Variants in CDKL5 observed in about 807,000 individuals in gnomAD.
The protein encoded by CDKL5 is cyclin-dependent kinase-like 5.
CDKL5 carries 8 observed loss-of-function variants against 61.7 expected under a neutral mutation model. That is an observed-to-expected ratio of 0.13 (90% CI 0.08 to 0.23). The LOEUF is 0.23. CDKL5 is among the 10% of genes least tolerant of loss of function. The pLI is 1.00. For synonymous variants in CDKL5, 275 were observed against 272.3 expected, an observed-to-expected ratio of 1.01 and a Z score of -0.10; for missense variants, 440 against 734.5, an observed-to-expected ratio of 0.60 and a Z score of 4.63.
In CDKL5 at chrX:18,517,839, C is replaced by G. The variant is rs753454324; in HGVS notation, c.99+6985C>G. Among the ~76,000 whole-genome samples the G allele has an allele frequency of 8.2e-4, 92 of 111,555 alleles. 1 individual carries two copies. Among genetic ancestry groups the G allele is most frequent in the Non-Finnish European group, 1.5e-3 (81 of 53,132 alleles). On this transcript the variant is annotated intron_variant, in intron 3 of 17. Transcript: ENST00000623535. ...TGGCCAACATGGTGAAACCCCATCT[C>G]TACTAAAAATACAAAAAAATTTGCT...
Position 18,632,443 on chromosome X carries a change from C to T in CDKL5, c.*3686C>T. ...ATGATTTTTACCAACTGCTCAAAGG[C>T]ATCCGTGGCTTTCAGCTGTGTCTCC... On this transcript the variant is annotated 3_prime_UTR_variant, in exon 18 of 18. Coordinates refer to ENST00000623535, the MANE Select transcript of CDKL5 (RefSeq NM_001323289.2). 4.0e-6 allele frequency: 3 copies of T among 753,619 alleles called. No individual in the cohort carries two copies. The highest frequency in any genetic ancestry group is 3.1e-6 in the Non-Finnish European group (2 of 638,606). The allele number at this position is 753,619 out of a possible 1,213,427, so 62.1% of individuals were successfully genotyped here. A position where few individuals can be genotyped will look rare whatever the true frequency, so the allele number is the denominator to read the frequency against.
At chrX:18,588,735 A>G in intron 9 of CDKL5, 1 of 110,681 alleles carries the variant, frequency 9.0e-6, no homozygotes, top group East Asian at 2.8e-4. Flanking sequence ...CAACTTTGTG[A>G]AACCCCATCT....
At position 18,630,729 on chromosome X, in the gene CDKL5, C is replaced by G. The variant is rs1927209247; in HGVS notation, c.*1972C>G. ...CACTAAAATGAAACTCGACTGGGTA[C>G]TATTACTGAAAAAATTTGACTCAAA... On this transcript the variant is annotated 3_prime_UTR_variant, in exon 18 of 18. Transcript: ENST00000623535. The G allele has an allele frequency of 2.7e-6, 2 of 745,920 alleles. No homozygotes were observed. The highest frequency in any genetic ancestry group is 1.9e-4 in the Admixed American group (2 of 10,761). 61.5% of individuals were successfully genotyped at this position (745,920 alleles called of 1,213,427 possible).
intron 16 of CDKL5, among the ~76,000 whole-genome samples, chrX:18,624,743 C>A (rs1216754413): frequency 1.8e-5 from 2 of 112,070 alleles, no homozygotes; most frequent in African/African-American, 3.2e-5. Flanking sequence ...GAAAAAATTT[C>A]TGTTTTATTG....
chrX:18,531,870 C>T (rs1923657776), intron 3 of CDKL5, among the ~76,000 whole-genome samples: 1 of 107,235 alleles, frequency 9.3e-6, no homozygotes. Context: ...CCGCGCCCGG[C>T]TAATTTTTTG....
intron 1 of CDKL5, among the ~76,000 whole-genome samples, chrX:18,427,681 C>A (rs1033583796): frequency 6.3e-5 from 7 of 111,069 alleles, no homozygotes; most frequent in African/African-American, 2.0e-4. Context: ...TAGCATATTT[C>A]CTAAGCCTAA....
chrX:18,614,506 C>T (rs1274094040), intron 15 of CDKL5, among the ~76,000 whole-genome samples: 2 of 111,852 alleles, frequency 1.8e-5, no homozygotes. Context: ...TGGCACCTCC[C>T]TCATAGGGTT....
chrX:18,555,524 G>A (rs1380332890), intron 3 of CDKL5, among the ~76,000 whole-genome samples: 3 of 111,576 alleles, frequency 2.7e-5, no homozygotes, highest in Non-Finnish European at 5.6e-5. Context: ...TTTATTTTTG[G>A]CATTTTACAT....
At chrX:18,592,013 A>T (rs777259633) in intron 9 of CDKL5, among the ~76,000 whole-genome samples, 1 of 112,258 alleles carries the variant, frequency 8.9e-6, no homozygotes, top group African/African-American at 3.2e-5. Flanking sequence ...GCTAGGCTGA[A>T]TAGTGTTGAA....
chrX:18,561,867 T>A (rs1924817086), intron 3 of CDKL5, among the ~76,000 whole-genome samples: 1 of 111,811 alleles, frequency 8.9e-6, no homozygotes, highest in Non-Finnish European at 1.9e-5. Flanking sequence ...GATACATAAA[T>A]GCAGATGAAT....
At chrX:18,450,295 G>A (rs954847776) in intron 1 of CDKL5, among the ~76,000 whole-genome samples, 13 of 112,009 alleles carry the variant, frequency 1.2e-4, no homozygotes, top group Middle Eastern at 4.2e-3. Flanking sequence ...TACCTCATGC[G>A]GTGGCTGTGA....
At chrX:18,647,175 C>T in intron 20 of CDKL5, 1 of 1,209,948 alleles carries the variant, frequency 8.3e-7, no homozygotes, top group Non-Finnish European at 1.1e-6. Flanking sequence ...AAAAAAAATC[C>T]CCGGGCCCTG....
chrX:18,442,741 G>T (rs1424954305), intron 1 of CDKL5, among the ~76,000 whole-genome samples: 2 of 111,535 alleles, frequency 1.8e-5, no homozygotes, highest in East Asian at 5.7e-4. Context: ...TGATCCGCCC[G>T]CCTCGGCCTC....
intron 1 of CDKL5, among the ~76,000 whole-genome samples, chrX:18,499,620 C>T (rs921676794): frequency 3.6e-5 from 4 of 111,660 alleles, no homozygotes; most frequent in Non-Finnish European, 7.5e-5. Context: ...GCCTCGGCCT[C>T]GGCCTCCTAA....
In CDKL5 at chrX:18,636,968, C is replaced by G. The variant is rs1239738051; in HGVS notation, c.*8211C>G. 2.7e-5 allele frequency: 3 copies of G among 112,221 alleles called. No homozygotes were observed. The highest frequency in any genetic ancestry group is 5.6e-5 in the Non-Finnish European group (3 of 53,241). 9.2% of individuals were successfully genotyped at this position (112,221 alleles called of 1,213,427 possible). On this transcript the variant is annotated 3_prime_UTR_variant, in exon 18 of 18. Coordinates refer to ENST00000623535, the MANE Select transcript of CDKL5 (RefSeq NM_001323289.2). ...CCTCTGGGGATGCAGCTTAAAAGCCCAGGATCAGGCCAGGTGTGGTGGCTC... is the reference window on the plus strand; with the variant it reads ...CCTCTGGGGATGCAGCTTAAAAGCCGAGGATCAGGCCAGGTGTGGTGGCTC...
At chrX:18,589,421 G>C (rs1416348075) in intron 9 of CDKL5, 1 of 110,321 alleles carries the variant, frequency 9.1e-6, no homozygotes, top group African/African-American at 3.3e-5. Flanking sequence ...ATAGTTTGCT[G>C]AGAATGATGG....
intron 15 of CDKL5, 58 bp downstream of exon 15, chrX:18,613,333 A>C: frequency 1.8e-6 from 2 of 1,099,463 alleles, no homozygotes; most frequent in Non-Finnish European, 2.5e-6. Flanking sequence ...TTAAGAGTTG[A>C]AATAAATTCT....
rs769952367 is a variant in CDKL5 at position 18,631,201 on chromosome X, G to A, written c.*2444G>A. On this transcript the variant is annotated 3_prime_UTR_variant, in exon 18 of 18. Coordinates refer to ENST00000623535, the MANE Select transcript of CDKL5 (RefSeq NM_001323289.2). Reference sequence around the variant, plus strand: ...CTAGAATATTTGCCTTCTACCTAGAGCAAAGTAAACCTAATTGTTGAAGAG... The same window carrying A: ...CTAGAATATTTGCCTTCTACCTAGAACAAAGTAAACCTAATTGTTGAAGAG... 51 of 751,209 alleles carry A rather than the reference G, an allele frequency of 6.8e-5. No individual in the cohort carries two copies. Among genetic ancestry groups the A allele is most frequent in the Non-Finnish European group, 7.8e-5 (50 of 638,243 alleles). The allele number at this position is 751,209 out of a possible 1,213,427, so 61.9% of individuals were successfully genotyped here.
intron 1 of CDKL5, among the ~76,000 whole-genome samples, chrX:18,441,414 C>CAA (rs757888759): frequency 4.8e-5 from 5 of 104,402 alleles, no homozygotes; most frequent in African/African-American, 1.7e-4. Context: ...GACCCTGTCT[C>CAA]AAAAAAAAAA....
Sources: allele counts gnomAD v4.1 joint callset (sites outside exome capture counted in the v4.1 genomes callset), GRCh38; gene constraint gnomAD v4.1.1; transcripts MANE v1.5; gene names NCBI Gene and HGNC (gene_info 2026-07-23, HGNC 2026-07-21).